AFF3: variants seen among roughly 807,000 people sequenced by gnomAD.
The protein encoded by AFF3 is AF4/FMR2 family member 3.
A neutral mutation model predicts 129.7 loss-of-function variants in AFF3; 32 were observed. That is an observed-to-expected ratio of 0.25 (90% confidence interval 0.19 to 0.33). The LOEUF is 0.33. AFF3 is among the 10% of genes least tolerant of loss of function. The probability of loss-of-function intolerance (pLI) is 1.00; values close to 1 mark genes in which losing one functional copy is unlikely to be tolerated. For missense variants in AFF3, 1,373 were observed against 1,592.0 expected (o/e 0.86, Z 2.34); for synonymous variants, 644 against 635.4 (o/e 1.01, Z -0.20).
chr2:99,940,842 T>G (rs1674968804), intron 7 of AFF3, among the ~76,000 whole-genome samples: 2 of 152,208 alleles, frequency 1.3e-5, no homozygotes, highest in African/African-American at 4.8e-5. Flanking sequence ...TTGGGACCCC[T>G]TTCCTGTTAA....
intron 11 of AFF3, among the ~76,000 whole-genome samples, chr2:99,719,043 G>A (rs1471454768): frequency 5.4e-5 from 7 of 130,722 alleles, no homozygotes; most frequent in Admixed American, 8.3e-5. Flanking sequence ...GAGCCAACGC[G>A]CCCGGCCTTT....
At chr2:99,596,765 A>C (rs905633632) in intron 14 of AFF3, among the ~76,000 whole-genome samples, 2 of 152,234 alleles carry the variant, frequency 1.3e-5, no homozygotes, top group South Asian at 2.1e-4. Context: ...CATTAACAGA[A>C]GGGCAGAATT....
chr2:99,601,510 G>T lies in AFF3; in HGVS notation c.1296C>A (p.Ser432=). 1 of 1,606,718 alleles carries T rather than the reference G, an allele frequency of 6.2e-7. No homozygotes were observed. Among genetic ancestry groups the T allele is most frequent in the South Asian group, 1.1e-5 (1 of 89,540 alleles). The change falls in exon 14 of 25, where the codon TCC becomes TCA. Residue 432 remains serine, a synonymous_variant. Coordinates refer to ENST00000672756, the MANE Select transcript of AFF3 (RefSeq NM_001386135.1). ...SSSSSDSESS[S]GSDSETESSS... is the part of the protein sequence containing the mutation. ...TGCTCTCGGTCTCCGAGTCAGATCC[G>T]GAGCTGCTCTCTGAGTCGCTGGAGG...
intron 20 of AFF3, among the ~76,000 whole-genome samples, chr2:99,560,885 T>C (rs1675403793): frequency 6.6e-6 from 1 of 152,242 alleles, no homozygotes. Flanking sequence ...GTTATGTAAC[T>C]TTTACTTTGA....
intron 7 of AFF3, among the ~76,000 whole-genome samples, chr2:99,960,607 A>G (rs1237991497): frequency 1.3e-5 from 2 of 152,106 alleles, no homozygotes. Context: ...TTCACATTAC[A>G]ACCTTTCGTT....
intron 16 of AFF3, among the ~76,000 whole-genome samples, chr2:99,583,334 A>AAGCAG (rs1677767460): frequency 2.0e-5 from 3 of 152,224 alleles, no homozygotes; most frequent in Admixed American, 1.3e-4. Context: ...CCTAACAAGC[A>AAGCAG]TAAGGAGCAA....
chr2:100,099,608 T>G (rs1396001714), intron 4 of AFF3, among the ~76,000 whole-genome samples: 1 of 151,998 alleles, frequency 6.6e-6, no homozygotes, highest in Non-Finnish European at 1.5e-5. Flanking sequence ...CACCCCACCA[T>G]GAATATCTTA....
intron 4 of AFF3, among the ~76,000 whole-genome samples, chr2:100,069,815 G>T (rs1164067538): frequency 6.6e-6 from 1 of 152,140 alleles, no homozygotes; most frequent in East Asian, 1.9e-4. Context: ...GAAAGCCTAT[G>T]ATTTTTTGCT....
At chr2:99,780,241 C>G (rs915038466) in intron 8 of AFF3, among the ~76,000 whole-genome samples, 3 of 152,156 alleles carry the variant, frequency 2.0e-5, no homozygotes, top group African/African-American at 4.8e-5. Flanking sequence ...TTCAAGCTGA[C>G]GCTGGTCTGG....
intron 11 of AFF3, among the ~76,000 whole-genome samples, chr2:99,725,026 A>G (rs1329586776): frequency 2.0e-5 from 3 of 151,420 alleles, no homozygotes; most frequent in Non-Finnish European, 4.4e-5. Flanking sequence ...GCTGGAGTGC[A>G]GTGGTGCGAT....
intron 11 of AFF3, among the ~76,000 whole-genome samples, chr2:99,708,161 G>A (rs1677575159): frequency 6.6e-6 from 1 of 151,904 alleles, no homozygotes; most frequent in Non-Finnish European, 1.5e-5. Context: ...AAAAATTACT[G>A]TTTATCTGAA....
intron 4 of AFF3, among the ~76,000 whole-genome samples, chr2:100,024,140 G>A (rs1683831882): frequency 1.4e-5 from 2 of 146,932 alleles, no homozygotes; most frequent in South Asian, 2.1e-4. Flanking sequence ...GCTGAGGCAG[G>A]AGAATGGCGT....
intron 7 of AFF3, among the ~76,000 whole-genome samples, chr2:99,952,698 C>G (rs1676277840): frequency 6.6e-6 from 1 of 152,152 alleles, no homozygotes; most frequent in Non-Finnish European, 1.5e-5. Flanking sequence ...AAGGGTGAGC[C>G]TGCAGAAGCC....
intron 8 of AFF3, among the ~76,000 whole-genome samples, chr2:99,786,324 G>A (rs1397237771): frequency 6.6e-6 from 1 of 152,120 alleles, no homozygotes; most frequent in Non-Finnish European, 1.5e-5. Context: ...ATGAGATATT[G>A]GCACTAAAGC....
At chr2:99,721,164 T>C (rs951782116) in intron 11 of AFF3, among the ~76,000 whole-genome samples, 2 of 152,234 alleles carry the variant, frequency 1.3e-5, no homozygotes, top group Admixed American at 6.5e-5. Context: ...CTACTGGAAA[T>C]GAATTCTCTC....
intron 8 of AFF3, among the ~76,000 whole-genome samples, chr2:99,836,381 T>C (rs1481524011): frequency 6.6e-6 from 1 of 152,176 alleles, no homozygotes; most frequent in Non-Finnish European, 1.5e-5. Context: ...AATATAGATA[T>C]AAAATATACT....
At chr2:99,705,330 A>G (rs1257290621) in intron 11 of AFF3, among the ~76,000 whole-genome samples, 1 of 152,100 alleles carries the variant, frequency 6.6e-6, no homozygotes, top group Non-Finnish European at 1.5e-5. Flanking sequence ...AAATATGGAA[A>G]TGTTATAAGC....
intron 4 of AFF3, among the ~76,000 whole-genome samples, chr2:100,085,447 T>C (rs1559114741): frequency 6.6e-6 from 1 of 151,662 alleles, no homozygotes; most frequent in Non-Finnish European, 1.5e-5. Context: ...TCCCTGAGGC[T>C]CTTTCTTGGT....
At chr2:99,903,054 T>A (rs1163717227) in intron 7 of AFF3, among the ~76,000 whole-genome samples, 1 of 152,190 alleles carries the variant, frequency 6.6e-6, no homozygotes, top group Non-Finnish European at 1.5e-5. Context: ...ATTTTCTGAA[T>A]AAATATGAAT....
Sources: allele counts gnomAD v4.1 joint callset (sites outside exome capture counted in the v4.1 genomes callset), GRCh38; gene constraint gnomAD v4.1.1; transcripts MANE v1.5; gene names NCBI Gene and HGNC (gene_info 2026-07-23, HGNC 2026-07-21).